The following EEF1D variants were observed in gnomAD, a reference collection of about 807,000 sequenced individuals.
The protein encoded by EEF1D is eukaryotic translation elongation factor 1 delta.
EEF1D carries 47 observed loss-of-function variants against 63.9 expected under a neutral mutation model. The observed-to-expected ratio is 0.74, with a 90% CI of 0.58 to 0.94. EEF1D has a LOEUF of 0.94. Ranked by LOEUF, EEF1D falls within the 40% of genes least tolerant of loss-of-function variation. EEF1D has a pLI of 0.00. For missense variants in EEF1D, 907 were observed against 899.0 expected (o/e 1.01, Z -0.11); for synonymous variants, 412 against 386.1 (o/e 1.07, Z -0.79).
In EEF1D at chr8:143,581,140, G is replaced by A; in HGVS notation, c.1402C>T (p.Gln468Ter). ...GCCTCCAGCTTGGAGATGGCCTGCTGCAGCTCCTGTACCACTGGGGGGGCA... is the reference window on the plus strand; with the variant it reads ...GCCTCCAGCTTGGAGATGGCCTGCTACAGCTCCTGTACCACTGGGGGGGCA... ...QSLRGVVQELQQAISKLEARL... is the reference protein window; with the variant it reads ...QSLRGVVQEL Residue 468 changes from glutamine to a stop codon, truncating the protein, a stop_gained, in exon 7 of 10, where the codon CAG becomes TAG. Coordinates refer to ENST00000618139, the MANE Select transcript of EEF1D (RefSeq NM_001130053.5). LOFTEE classifies it high-confidence loss of function. 1 of 1,612,996 alleles carries A rather than the reference G, an allele frequency of 6.2e-7. No individual in the cohort carries two copies. Among genetic ancestry groups the A allele is most frequent in the Non-Finnish European group, 8.5e-7 (1 of 1,179,966 alleles).
intron 1 of EEF1D, chr8:143,596,179 T>G (rs767921157): frequency 5.2e-5 from 8 of 152,584 alleles, no homozygotes; most frequent in Non-Finnish European, 1.0e-4. Flanking sequence ...GCGGGGGCTC[T>G]GTCGGCTGGG....
intron 5 of EEF1D, among the ~76,000 whole-genome samples, chr8:143,584,406 GA>G (rs1283858555): frequency 1.7e-4 from 24 of 139,556 alleles, no homozygotes; most frequent in East Asian, 1.4e-3. Context: ...AAAAAAAAAA[GA>G]AAAAAAAATG....
chr8:143,580,702 T>C lies in EEF1D; in HGVS notation c.1514A>G (p.Glu505Gly). The C allele has an allele frequency of 6.2e-7, 1 of 1,613,576 alleles. No homozygotes were observed. The highest frequency in any genetic ancestry group is 8.5e-7 in the Non-Finnish European group (1 of 1,179,996). Residue 505 changes from glutamate to glycine, a missense_variant, in exon 8 of 10, where the codon GAG becomes GGG. Transcript: ENST00000618139. ...TQHVSPMRQV[E>G]PPAKKPATPA... Reference sequence around the variant, plus strand: ...TGTGGCTGGCTTCTTGGCTGGGGGCTCCACTTGGCGCATGGGAGATACGTG... The same window carrying C: ...TGTGGCTGGCTTCTTGGCTGGGGGCCCCACTTGGCGCATGGGAGATACGTG...
chr8:143,595,080 G>GT (rs916880324), intron 1 of EEF1D, among the ~76,000 whole-genome samples: 2 of 149,568 alleles, frequency 1.3e-5, no homozygotes, highest in Non-Finnish European at 3.0e-5. Context: ...TAATTTTTGG[G>GT]TTTTTTTTGA....
chr8:143,596,742 CT>C (rs2131349909), intron 1 of EEF1D: 1 of 152,428 alleles, frequency 6.6e-6, no homozygotes, highest in East Asian at 1.9e-4. Flanking sequence ...CTTCCTTCCA[CT>C]TAAAGCCTCT....
chr8:143,594,824 C>T (rs1373481839), intron 1 of EEF1D, among the ~76,000 whole-genome samples: 1 of 152,240 alleles, frequency 6.6e-6, no homozygotes, highest in Non-Finnish European at 1.5e-5. Flanking sequence ...GGCTGGAGCC[C>T]CTGAGGAAGC....
rs1465841829 is a variant in EEF1D, at chr8:143,580,433, G to A, written c.1710+73C>T. On this transcript the variant is annotated intron_variant, in intron 8 of 9. Transcript: ENST00000618139. ...CCAGAACCCAGAGGGCAGGGGGAGG[G>A]TCACAGGCTGAGCCGGCTAGGCGGG... 10 of 1,538,130 alleles carry A rather than the reference G, an allele frequency of 6.5e-6. No homozygotes were observed. In the Admixed American group the frequency reaches 1.6e-4, roughly 24 times the overall value.
intron 4 of EEF1D, 88 bp downstream of exon 4, chr8:143,586,641 T>A (rs113484128): frequency 0.016 from 24,891 of 1,550,390 alleles, 328 homozygotes; most frequent in Middle Eastern, 0.041. Flanking sequence ...TGCCTCTGCC[T>A]TCCTGGCCTG....
intron 8 of EEF1D, 56 bp from the exon 9 acceptor site, chr8:143,580,262 G>C: frequency 6.5e-7 from 1 of 1,548,354 alleles, no homozygotes; most frequent in South Asian, 1.2e-5. Context: ...CACCCAGGAA[G>C]TACCTGCATG....
intron 5 of EEF1D, 150 bp downstream of exon 5, chr8:143,586,069 G>A (rs1430917647): frequency 6.5e-6 from 4 of 613,542 alleles, no homozygotes; most frequent in Non-Finnish European, 8.6e-6. Flanking sequence ...GGGCATGGAG[G>A]TCACAGAGCC....
chr8:143,579,872 C>T, intron 9 of EEF1D, 42 bp from the exon 10 acceptor site: 5 of 1,540,012 alleles, frequency 3.2e-6, no homozygotes, highest in Non-Finnish European at 4.4e-6. Context: ...TGTTCCCCTA[C>T]AGCCCACTCG....
intron 4 of EEF1D, 146 bp from the exon 5 acceptor site, chr8:143,586,436 C>A: frequency 1.2e-6 from 1 of 824,732 alleles, no homozygotes; most frequent in Non-Finnish European, 1.8e-6. Flanking sequence ...GCCAGAAAAG[C>A]GGGAGATGCC....
At chr8:143,593,938 G>A in intron 1 of EEF1D, 2 of 985,386 alleles carry the variant, frequency 2.0e-6, no homozygotes, top group Non-Finnish European at 2.4e-6. Flanking sequence ...AGCTTGCGCA[G>A]ACGACAGGCA....
chr8:143,589,178 A>G lies in EEF1D; in HGVS notation c.904T>C (p.Leu302=). The change falls in exon 3 of 10, where the codon TTG becomes CTG. Residue 302 remains leucine, a synonymous_variant. Coordinates refer to ENST00000618139, the MANE Select transcript of EEF1D (RefSeq NM_001130053.5). ...TTCTGCAGGAAGTAACAGTAGGGCA[A>G]GGCAGAGGGGGCCTCCCCATCGGCC... ...RRADGEAPSA[L]PYCYFLQKDA... The G allele has an allele frequency of 6.2e-7, 1 of 1,600,940 alleles. No individual in the cohort carries two copies. The highest frequency in any genetic ancestry group is 8.5e-7 in the Non-Finnish European group (1 of 1,172,644).
rs137903314 is a variant in EEF1D at position 143,580,605 on chromosome 8, C to T, written c.1611G>A (p.Ala537=). ...GTAGCCGCTCCTCCCGCAGCTGTGC[C>T]GCCTCCTTGTCCTCCTCCTCATTGT... The part of the protein sequence containing the change: ...GSDNEEEDKE[A]AQLREERLRQ... Residue 537 remains alanine, a synonymous_variant, in exon 8 of 10, where the codon GCG becomes GCA. Transcript: ENST00000618139. The T allele has an allele frequency of 1.0e-4, 162 of 1,613,750 alleles. No individual in the cohort carries two copies. The African/African-American group carries it at 1.5e-3, about 15-fold the overall frequency.
rs938580583 is a variant in EEF1D at position 143,592,587 on chromosome 8, G to A, written c.-1+60C>T. 9.1e-6 allele frequency: 9 copies of A among 984,906 alleles called. No homozygotes were observed. In the African/African-American group the frequency reaches 1.4e-4, roughly 15 times the overall value. The allele number at this position is 984,906 out of a possible 1,614,324, so 61.0% of individuals were successfully genotyped here. ...GCTGGGTTCCCTCAGGTGCAGCGAG[G>A]GCTGGGGGTTCCCCGGTCAAATGAA... On this transcript the variant is annotated intron_variant, in intron 2 of 9. Coordinates refer to ENST00000618139, the MANE Select transcript of EEF1D (RefSeq NM_001130053.5).
chr8:143,591,562 C>T (rs989813822), intron 2 of EEF1D, among the ~76,000 whole-genome samples: 15 of 152,240 alleles, frequency 9.9e-5, no homozygotes, highest in Admixed American at 7.8e-4. Context: ...CTGGGCCTAA[C>T]CAACGCCTAG....
At chr8:143,592,463 G>A (rs977024917) in intron 2 of EEF1D, among the ~76,000 whole-genome samples, 184 bp downstream of exon 2, 4 of 152,062 alleles carry the variant, frequency 2.6e-5, no homozygotes, top group Non-Finnish European at 5.9e-5. Flanking sequence ...GCCACACAGG[G>A]TGCCCACCTG....
chr8:143,592,331 G>A (rs1393382529), intron 2 of EEF1D: 3 of 947,446 alleles, frequency 3.2e-6, no homozygotes, highest in African/African-American at 1.8e-5. Context: ...GGCAGAAGCC[G>A]CCGCTCAGGG....
Sources: gnomAD v4.1 joint callset for allele counts (sites outside exome capture counted in the v4.1 genomes callset) on GRCh38, gnomAD v4.1.1 for gene constraint, MANE v1.5 for transcripts, NCBI Gene and HGNC (gene_info 2026-07-23, HGNC 2026-07-21) for gene names.